BBS9: variants seen among roughly 807,000 people sequenced by gnomAD.
The protein encoded by BBS9 is Bardet-Biedl syndrome 9, also known as protein PTHB1.
Under a neutral mutation model 117.7 loss-of-function variants are expected in BBS9, and 89 were observed. That is an observed-to-expected ratio of 0.76 (90% confidence interval 0.64 to 0.90). The LOEUF (loss-of-function observed/expected upper bound fraction) is 0.90, where lower values mean the gene tolerates loss of function less well. Ranked by LOEUF, BBS9 falls within the 40% of genes least tolerant of loss-of-function variation. BBS9 has a pLI of 0.00. For synonymous variants in BBS9, 379 were observed against 370.9 expected (o/e 1.02, Z -0.25); for missense variants, 982 against 1,042.2 (o/e 0.94, Z 0.80).
chr7:33,248,889 AG>A (rs1443366743), intron 5 of BBS9, among the ~76,000 whole-genome samples: 3 of 152,238 alleles, frequency 2.0e-5, no homozygotes, highest in East Asian at 3.9e-4. Flanking sequence ...TCAGACTTGG[AG>A]AAAGACCAAA....
intron 5 of BBS9, among the ~76,000 whole-genome samples, chr7:33,195,094 G>T (rs1784730677): frequency 6.6e-6 from 1 of 152,114 alleles, no homozygotes; most frequent in South Asian, 2.1e-4. Flanking sequence ...TAGAGAGAAG[G>T]TCTATGTGTT....
At chr7:33,580,030 T>C (rs185224619) in intron 21 of BBS9, among the ~76,000 whole-genome samples, 60 of 152,286 alleles carry the variant, frequency 3.9e-4, no homozygotes, top group African/African-American at 1.4e-3. Flanking sequence ...ATAACATTTG[T>C]CGACCACTTT....
At chr7:33,511,161 A>G (rs980802654) in intron 20 of BBS9, among the ~76,000 whole-genome samples, 26 of 151,698 alleles carry the variant, frequency 1.7e-4, no homozygotes, top group Non-Finnish European at 1.5e-5. Flanking sequence ...TTTTGAATAC[A>G]GCATTCTAGG....
chr7:33,358,274 A>AT (rs538885382), intron 16 of BBS9, among the ~76,000 whole-genome samples: 3 of 151,626 alleles, frequency 2.0e-5, no homozygotes, highest in African/African-American at 4.8e-5. Context: ...TTTAGACTGA[A>AT]TTTTTTTGGC....
At chr7:33,280,591 T>G (rs1003791110) in intron 9 of BBS9, among the ~76,000 whole-genome samples, 1 of 152,176 alleles carries the variant, frequency 6.6e-6, no homozygotes, top group African/African-American at 2.4e-5. Flanking sequence ...TATTTGACTT[T>G]CCTAACTCTC....
chr7:33,401,369 T>C (rs1452171129), intron 19 of BBS9, among the ~76,000 whole-genome samples: 1 of 152,198 alleles, frequency 6.6e-6, no homozygotes, highest in Non-Finnish European at 1.5e-5. Flanking sequence ...GTAGAATATT[T>C]GAAGAGATTT....
intron 19 of BBS9, among the ~76,000 whole-genome samples, chr7:33,442,878 A>G (rs932247337): frequency 4.6e-5 from 7 of 152,190 alleles, no homozygotes; most frequent in East Asian, 1.9e-4. Context: ...CACACTGTGT[A>G]AATATAGACA....
At chr7:33,298,851 C>T (rs1007221955) in intron 9 of BBS9, among the ~76,000 whole-genome samples, 21 of 152,180 alleles carry the variant, frequency 1.4e-4, no homozygotes, top group Non-Finnish European at 2.9e-4. Flanking sequence ...AGAGGCGAGG[C>T]TGAACTACTG....
At chr7:33,597,104 C>T (rs1313437919) in intron 21 of BBS9, among the ~76,000 whole-genome samples, 1 of 149,634 alleles carries the variant, frequency 6.7e-6, no homozygotes, top group African/African-American at 2.5e-5. Context: ...CACACACACA[C>T]ACACACACAG....
chr7:33,361,083 CA>C (rs1333456562), intron 16 of BBS9, among the ~76,000 whole-genome samples: 1 of 152,008 alleles, frequency 6.6e-6, no homozygotes, highest in African/African-American at 2.4e-5. Flanking sequence ...GATTTTTTCA[CA>C]AGATTCCCTA....
At chr7:33,411,171 A>C (rs1318352979) in intron 19 of BBS9, among the ~76,000 whole-genome samples, 1 of 152,044 alleles carries the variant, frequency 6.6e-6, no homozygotes, top group African/African-American at 2.4e-5. Flanking sequence ...TGTTAATTGG[A>C]ATGTTGGTTT....
At chr7:33,554,709 A>C (rs1441532235) in intron 21 of BBS9, among the ~76,000 whole-genome samples, 1 of 152,200 alleles carries the variant, frequency 6.6e-6, no homozygotes, top group African/African-American at 2.4e-5. Context: ...GCTCAGGGGA[A>C]AAGCCTGGGC....
At chr7:33,517,760 T>TAA (rs1848012810) in intron 20 of BBS9, among the ~76,000 whole-genome samples, 1 of 152,122 alleles carries the variant, frequency 6.6e-6, no homozygotes, top group African/African-American at 2.4e-5. Flanking sequence ...GAACCCACAC[T>TAA]AAGGGGCCTA....
At chr7:33,376,531 C>T (rs919527347) in intron 17 of BBS9, among the ~76,000 whole-genome samples, 1 of 151,988 alleles carries the variant, frequency 6.6e-6, no homozygotes, top group Non-Finnish European at 1.5e-5. Flanking sequence ...TATGGTAGAA[C>T]GATTTATATT....
intron 10 of BBS9, 127 bp from the exon 11 acceptor site, chr7:33,340,770 T>G: frequency 1.4e-6 from 1 of 713,034 alleles, no homozygotes; most frequent in Non-Finnish European, 2.3e-6. Context: ...AATGCATTAG[T>G]TTTTTCAACT....
chr7:33,479,010 C>A (rs1010766865), intron 19 of BBS9, among the ~76,000 whole-genome samples: 1 of 151,870 alleles, frequency 6.6e-6, no homozygotes, highest in Non-Finnish European at 1.5e-5. Context: ...AATTAGCAAG[C>A]AAGCTAGGCT....
intron 21 of BBS9, among the ~76,000 whole-genome samples, chr7:33,596,522 C>A (rs1167570200): frequency 6.6e-6 from 1 of 152,006 alleles, no homozygotes; most frequent in Non-Finnish European, 1.5e-5. Context: ...GAAGAGAGGT[C>A]ATGGAGGATG....
At chr7:33,406,574 G>A (rs1247981455) in intron 19 of BBS9, among the ~76,000 whole-genome samples, 5 of 152,132 alleles carry the variant, frequency 3.3e-5, no homozygotes, top group Non-Finnish European at 7.3e-5. Flanking sequence ...GGCTAGTACC[G>A]GTTGTGCCTT....
intron 4 of BBS9, among the ~76,000 whole-genome samples, chr7:33,166,153 G>T (rs1795647162): frequency 6.6e-6 from 1 of 152,222 alleles, no homozygotes; most frequent in Non-Finnish European, 1.5e-5. Flanking sequence ...GTTTGTCTGG[G>T]TATCAGCAGC....
Sources: allele counts gnomAD v4.1 joint callset (sites outside exome capture counted in the v4.1 genomes callset), GRCh38; gene constraint gnomAD v4.1.1; transcripts MANE v1.5; gene names NCBI Gene and HGNC (gene_info 2026-07-23, HGNC 2026-07-21).